Variants in PDE4D observed in about 807,000 individuals in gnomAD.
The protein encoded by PDE4D is 3',5'-cyclic-AMP phosphodiesterase 4D.
In PDE4D, 24 loss-of-function variants were observed where a neutral mutation model predicts 87.4. That is an observed-to-expected ratio of 0.27 (90% CI 0.20 to 0.39). The LOEUF (loss-of-function observed/expected upper bound fraction) is 0.39, where lower values mean the gene tolerates loss of function less well. PDE4D is among the 10% of genes least tolerant of loss of function. PDE4D has a pLI of 1.00. For synonymous variants in PDE4D, 384 were observed against 383.2 expected (o/e 1.00, Z -0.02); for missense variants, 714 against 1,041.0 (o/e 0.69, Z 4.32).
At chr5:60,035,910 A>G (rs1767744540) in intron 2 of PDE4D, among the ~76,000 whole-genome samples, 1 of 152,238 alleles carries the variant, frequency 6.6e-6, no homozygotes. Flanking sequence ...GTGCCACTAT[A>G]ACATTCCCAG....
rs1582789615 is a variant in PDE4D at position 59,477,525 on chromosome 5, C to T, written c.456-261557G>A. Among the ~76,000 whole-genome samples, 3 of 151,976 alleles carry T rather than the reference C, an allele frequency of 2.0e-5. No individual in the cohort carries two copies. In the South Asian group the frequency reaches 6.2e-4, roughly 31 times the overall value. On this transcript the variant is annotated intron_variant, in intron 1 of 14. Transcript: ENST00000340635. Reference sequence around the variant, plus strand: ...GATATTTTAAAATACTACATTTAGGCTATTATTAAAAAGTTAAAAAACAAC... The same window carrying T: ...GATATTTTAAAATACTACATTTAGGTTATTATTAAAAAGTTAAAAAACAAC...
intron 5 of PDE4D, among the ~76,000 whole-genome samples, chr5:59,121,425 C>G (rs1431128872): frequency 6.6e-6 from 1 of 151,876 alleles, no homozygotes; most frequent in Non-Finnish European, 1.5e-5. Flanking sequence ...AGAAGACATA[C>G]AAATGTCCAA....
At chr5:59,736,395 T>C (rs1299727755) in intron 1 of PDE4D, among the ~76,000 whole-genome samples, 2 of 152,124 alleles carry the variant, frequency 1.3e-5, no homozygotes, top group Admixed American at 6.5e-5. Context: ...ATTCTTACAA[T>C]TGGCCGGGTG....
chr5:59,385,884 T>C (rs441817), intron 1 of PDE4D, among the ~76,000 whole-genome samples: 57,429 of 151,950 alleles, frequency 0.38, 12,260 homozygotes, highest in African/African-American at 0.59. Context: ...GGGAACCAGA[T>C]CTGCACCACA....
chr5:59,492,184 C>G (rs981261197), intron 1 of PDE4D, among the ~76,000 whole-genome samples: 1 of 152,138 alleles, frequency 6.6e-6, no homozygotes, highest in Admixed American at 6.5e-5. Flanking sequence ...CCATGAAAAC[C>G]TTGAATACAA....
At chr5:59,915,852 GA>G (rs1269213903) in intron 3 of PDE4D, among the ~76,000 whole-genome samples, 1 of 152,094 alleles carries the variant, frequency 6.6e-6, no homozygotes, top group Non-Finnish European at 1.5e-5. Flanking sequence ...CATCACTCCG[GA>G]AAAAATACAG....
chr5:59,570,840 G>A (rs1821713717), intron 1 of PDE4D, among the ~76,000 whole-genome samples: 1 of 152,030 alleles, frequency 6.6e-6, no homozygotes, highest in East Asian at 1.9e-4. Context: ...ATTAGAAGAG[G>A]GGAAAAACAC....
chr5:60,197,081 A>ATAGACAGT (rs1554183821), intron 1 of PDE4D, among the ~76,000 whole-genome samples: 158 of 126,778 alleles, frequency 1.2e-3, no homozygotes, highest in Middle Eastern at 3.9e-3. Flanking sequence ...AGACAGTTAG[A>ATAGACAGT]TAGATAGATA....
chr5:59,767,476 C>CTT (rs879613137), intron 1 of PDE4D, among the ~76,000 whole-genome samples: 4 of 144,954 alleles, frequency 2.8e-5, no homozygotes, highest in African/African-American at 7.6e-5. Flanking sequence ...GGTTTTTCTT[C>CTT]TTTTTTTTTT....
chr5:59,073,233 G>T (rs1232477222), intron 5 of PDE4D, among the ~76,000 whole-genome samples: 3 of 152,038 alleles, frequency 2.0e-5, no homozygotes, highest in East Asian at 3.9e-4. Context: ...AAATGATGAG[G>T]GCTGATCTAT....
chr5:59,045,518 A>G (rs1430924696), intron 5 of PDE4D, among the ~76,000 whole-genome samples: 1 of 143,954 alleles, frequency 6.9e-6, no homozygotes, highest in Non-Finnish European at 1.5e-5. Context: ...GCGCCATTGC[A>G]CTCCAGCCTG....
chr5:59,185,180 A>G lies in PDE4D; in HGVS notation c.758+9T>C, dbSNP rs1742615274. On this transcript the variant is annotated intron_variant, in intron 4 of 14. Coordinates refer to ENST00000340635, the MANE Select transcript of PDE4D (RefSeq NM_001104631.2). ...AGCAAAAAAGAGGGGGGAAAAAAGG[A>G]TATCTTACTTGCTAGGTGCTCGATC... is the stretch of plus-strand genomic sequence containing the variant. 4 of 1,606,700 alleles carry G rather than the reference A, an allele frequency of 2.5e-6. No individual in the cohort carries two copies. Among genetic ancestry groups the G allele is most frequent in the Non-Finnish European group, 3.4e-6 (4 of 1,174,518 alleles).
chr5:60,222,381 C>CTA (rs1744599456), intron 1 of PDE4D, among the ~76,000 whole-genome samples: 1 of 150,302 alleles, frequency 6.7e-6, no homozygotes, highest in South Asian at 2.1e-4. Context: ...ATGAAAGACT[C>CTA]TGAGTCCAAA....
chr5:60,378,867 A>G (rs1321540267), intron 1 of PDE4D, among the ~76,000 whole-genome samples: 1 of 151,770 alleles, frequency 6.6e-6, no homozygotes, highest in African/African-American at 2.4e-5. Context: ...ACTAAAAAGA[A>G]AAAGAAAGAA....
chr5:58,975,628 C>T lies in PDE4D; in HGVS notation c.2013+29G>A, dbSNP rs764175842. 2 of 1,489,824 alleles carry T rather than the reference C, an allele frequency of 1.3e-6. No individual in the cohort carries two copies. Among genetic ancestry groups the T allele is most frequent in the African/African-American group, 1.4e-5 (1 of 71,338 alleles). 92.3% of individuals were successfully genotyped at this position (1,489,824 alleles called of 1,614,324 possible). A position where few individuals can be genotyped will look rare whatever the true frequency, so the allele number is the denominator to read the frequency against. On this transcript the variant is annotated intron_variant, in intron 14 of 14. Transcript: ENST00000340635. The surrounding 1 kb of genome is among the most constrained non-coding windows in gnomAD (Gnocchi z 4.2). ...AATGCTAAAGCGGTAGCTCTGTTCT[C>T]TCTGAAAGCTATACACTTCATGCAT...
At chr5:59,492,409 AT>A (rs995699922) in intron 1 of PDE4D, among the ~76,000 whole-genome samples, 10 of 152,172 alleles carry the variant, frequency 6.6e-5, no homozygotes, top group Non-Finnish European at 1.3e-4. Context: ...TTTCTACAAC[AT>A]TTTACTTGTG....
At chr5:59,827,757 C>A (rs1321361631) in intron 1 of PDE4D, among the ~76,000 whole-genome samples, 2 of 152,124 alleles carry the variant, frequency 1.3e-5, no homozygotes, top group African/African-American at 4.8e-5. Context: ...GGTGTCCAAA[C>A]AGCTCAACCA....
intron 1 of PDE4D, among the ~76,000 whole-genome samples, chr5:60,223,062 C>T (rs35381370): frequency 0.08 from 12,188 of 152,102 alleles, 508 homozygotes; most frequent in Non-Finnish European, 0.097. Flanking sequence ...TTCTTATTTA[C>T]TGGGATCCTT....
intron 1 of PDE4D, among the ~76,000 whole-genome samples, chr5:59,449,345 T>C (rs1485634429): frequency 6.6e-6 from 1 of 152,224 alleles, no homozygotes; most frequent in Non-Finnish European, 1.5e-5. Flanking sequence ...AGGAAAAGTT[T>C]GTGCTGGAAA....
Sources: gnomAD v4.1 joint callset for allele counts (sites outside exome capture counted in the v4.1 genomes callset) on GRCh38, gnomAD v4.1.1 for gene constraint, Gnocchi (gnomAD v3.1) non-coding constraint, MANE v1.5 for transcripts, NCBI Gene and HGNC (gene_info 2026-07-23, HGNC 2026-07-21) for gene names.